The following SLC7A11 variants were observed in gnomAD, a reference collection of about 807,000 sequenced individuals.
SLC7A11 encodes cystine/glutamate transporter.
Under a neutral mutation model 54.5 loss-of-function variants are expected in SLC7A11, and 35 were observed. The observed-to-expected ratio is 0.64, with a 90% CI of 0.49 to 0.85. The LOEUF (loss-of-function observed/expected upper bound fraction) is 0.85. SLC7A11 is among the 40% of genes least tolerant of loss of function. The pLI is 0.00. For synonymous variants in SLC7A11, 230 were observed against 225.2 expected (o/e 1.02, Z -0.19); for missense variants, 583 against 618.1 (o/e 0.94, Z 0.60).
At position 138,242,299 on chromosome 4, in the gene SLC7A11, C is replaced by G. The variant is rs1043021410; in HGVS notation, c.-230G>C. The G allele has an allele frequency of 6.6e-5, 37 of 562,012 alleles. No individual in the cohort carries two copies. The highest frequency in any genetic ancestry group is 5.9e-4 in the African/African-American group (31 of 52,972). The allele number at this position is 562,012 out of a possible 1,614,324, so 34.8% of individuals were successfully genotyped here. Reference sequence around the variant, plus strand: ...TCGTGCTCTCAATTCTCCACCTCCTCGTTCCACCACTGCTGCTGCTGCTGC... The same window carrying G: ...TCGTGCTCTCAATTCTCCACCTCCTGGTTCCACCACTGCTGCTGCTGCTGC... On this transcript the variant is annotated 5_prime_UTR_variant, in exon 1 of 12. Transcript: ENST00000280612.
chr4:138,235,155 G>A (rs1018279), intron 2 of SLC7A11, among the ~76,000 whole-genome samples: 61,280 of 151,858 alleles, frequency 0.4, 13,313 homozygotes, highest in Middle Eastern at 0.61. Flanking sequence ...AGAATTTAGA[G>A]ATGAAAGAAA....
At chr4:138,202,416 A>C (rs1737309244) in intron 6 of SLC7A11, among the ~76,000 whole-genome samples, 1 of 151,990 alleles carries the variant, frequency 6.6e-6, no homozygotes, top group Non-Finnish European at 1.5e-5. Context: ...CATTTCCTCC[A>C]TTTACCCATT....
chr4:138,218,408 CA>C (rs1220277150), intron 5 of SLC7A11, among the ~76,000 whole-genome samples: 2 of 152,152 alleles, frequency 1.3e-5, no homozygotes, highest in Non-Finnish European at 2.9e-5. Flanking sequence ...AATCTTACTA[CA>C]ATGATTTTGA....
At chr4:138,207,828 A>G (rs1185793594) in intron 6 of SLC7A11, among the ~76,000 whole-genome samples, 1 of 152,148 alleles carries the variant, frequency 6.6e-6, no homozygotes, top group Non-Finnish European at 1.5e-5. Flanking sequence ...TTTGGGCAAG[A>G]TATTTTGCCT....
At chr4:138,213,880 C>T (rs1412849151) in intron 6 of SLC7A11, among the ~76,000 whole-genome samples, 4 of 152,106 alleles carry the variant, frequency 2.6e-5, no homozygotes, top group Non-Finnish European at 4.4e-5. Context: ...ATTTAGTCTA[C>T]ATTTTATACT....
At chr4:138,182,266 A>G in intron 9 of SLC7A11, 31 bp downstream of exon 9, 1 of 1,303,350 alleles carries the variant, frequency 7.7e-7, no homozygotes, top group East Asian at 2.3e-5. Flanking sequence ...ATTCAAGGTT[A>G]TATCTAGATA....
chr4:138,236,852 G>A (rs1377730091), intron 1 of SLC7A11, among the ~76,000 whole-genome samples: 2 of 152,012 alleles, frequency 1.3e-5, no homozygotes, highest in African/African-American at 2.4e-5. Flanking sequence ...CCAAATGTTT[G>A]AGTTAGCTTT....
intron 3 of SLC7A11, among the ~76,000 whole-genome samples, chr4:138,225,439 G>C (rs1023296637): frequency 6.6e-6 from 1 of 151,738 alleles, no homozygotes; most frequent in African/African-American, 2.4e-5. Flanking sequence ...GCATCTAAGG[G>C]GGGTTATTTC....
intron 6 of SLC7A11, among the ~76,000 whole-genome samples, chr4:138,193,338 T>G (rs1167397114): frequency 3.3e-5 from 5 of 152,186 alleles, no homozygotes. Context: ...CTGTTCTCAC[T>G]CATTTCAACC....
At chr4:138,179,433 TCAAG>T (rs1279820692) in intron 10 of SLC7A11, 39 bp from the exon 11 acceptor site, 1 of 1,575,466 alleles carries the variant, frequency 6.3e-7, no homozygotes, top group Non-Finnish European at 8.7e-7. Flanking sequence ...TCAAACATGT[TCAAG>T]CAACAGAAGC....
Position 138,196,114 on chromosome 4 carries a change from A to G in SLC7A11, c.792-10870T>C, listed in dbSNP as rs367581737. Among the ~76,000 whole-genome samples the G allele has an allele frequency of 9.2e-5, 14 of 152,294 alleles. No homozygotes were observed. In the East Asian group the frequency reaches 9.7e-4, roughly 11 times the overall value. On this transcript the variant is annotated intron_variant, in intron 6 of 11. Transcript: ENST00000280612. ...TCCTCATGTGAATTCTAAATTATTA[A>G]ATCTCTGAGAACACCTGATTTATGA...
chr4:138,179,096 A>C (rs189975055), intron 11 of SLC7A11, 121 bp downstream of exon 11: 1 of 664,196 alleles, frequency 1.5e-6, no homozygotes, highest in East Asian at 2.7e-5. Flanking sequence ...AAAATGCCAT[A>C]ATGTTCTCAA....
intron 4 of SLC7A11, among the ~76,000 whole-genome samples, chr4:138,220,092 A>G (rs1737775148): frequency 6.6e-6 from 1 of 151,978 alleles, no homozygotes; most frequent in African/African-American, 2.4e-5. Context: ...GGAGCGCGCC[A>G]TCATGCCCAA....
intron 4 of SLC7A11, among the ~76,000 whole-genome samples, chr4:138,221,641 C>T (rs1341050216): frequency 1.3e-5 from 2 of 152,028 alleles, no homozygotes; most frequent in African/African-American, 2.4e-5. Flanking sequence ...GTATTTTAGC[C>T]ACTAAAAAAA....
chr4:138,174,449 T>C (rs1013310923), intron 11 of SLC7A11: 1 of 152,254 alleles, frequency 6.6e-6, no homozygotes, highest in Non-Finnish European at 1.5e-5. Context: ...GTCTTTCTTA[T>C]GTGATCTCTC....
At chr4:138,202,730 C>T (rs370428845) in intron 6 of SLC7A11, among the ~76,000 whole-genome samples, 6 of 152,066 alleles carry the variant, frequency 3.9e-5, no homozygotes, top group East Asian at 3.9e-4. Context: ...TTTTTGCAGC[C>T]GATAACCCAG....
chr4:138,199,211 C>G (rs978571510), intron 6 of SLC7A11, among the ~76,000 whole-genome samples: 1 of 152,006 alleles, frequency 6.6e-6, no homozygotes, highest in African/African-American at 2.4e-5. Flanking sequence ...GTGGGGGAAA[C>G]AAAATATCAA....
chr4:138,189,856 G>A (rs536068906), intron 6 of SLC7A11, among the ~76,000 whole-genome samples: 2 of 152,258 alleles, frequency 1.3e-5, no homozygotes, highest in East Asian at 3.9e-4. Context: ...AACCTAGCTT[G>A]ATTCTCCAGA....
intron 6 of SLC7A11, among the ~76,000 whole-genome samples, chr4:138,206,126 C>G (rs1429823257): frequency 6.6e-6 from 1 of 151,894 alleles, no homozygotes; most frequent in Non-Finnish European, 1.5e-5. Flanking sequence ...GAGAAGATCT[C>G]TGCATCTGGT....
Sources: allele counts gnomAD v4.1 joint callset (sites outside exome capture counted in the v4.1 genomes callset), GRCh38; gene constraint gnomAD v4.1.1; transcripts MANE v1.5; gene names NCBI Gene and HGNC (gene_info 2026-07-23, HGNC 2026-07-21).